Variants in PPFIA4 observed in about 807,000 individuals in gnomAD.
The protein encoded by PPFIA4 is PPFI scaffold protein A4, also known as liprin-alpha-4.
Under a neutral mutation model 145.7 loss-of-function variants are expected in PPFIA4, and 98 were observed. The observed-to-expected ratio is 0.67, with a 90% CI of 0.57 to 0.80. The LOEUF (loss-of-function observed/expected upper bound fraction) is 0.80, where lower values mean the gene tolerates loss of function less well. PPFIA4 is among the 30% of genes least tolerant of loss of function. The probability of loss-of-function intolerance (pLI) is 0.00; values close to 1 mark genes in which losing one functional copy is unlikely to be tolerated. For missense variants in PPFIA4, 1,457 were observed against 1,632.7 expected (o/e 0.89, Z 1.85); for synonymous variants, 628 against 649.6 (o/e 0.97, Z 0.51).
chr1:203,042,801 A>T (rs987425222), intron 2 of PPFIA4, among the ~76,000 whole-genome samples: 1 of 151,888 alleles, frequency 6.6e-6, no homozygotes, highest in Non-Finnish European at 1.5e-5. Flanking sequence ...ACCACGTCTG[A>T]CTAATTTTTG....
In PPFIA4 at chr1:203,068,660, C is replaced by G; in HGVS notation, c.3324+32C>G. On this transcript the variant is annotated intron_variant, in intron 27 of 29. Transcript: ENST00000295706. The surrounding 1 kb of genome is among the most constrained non-coding windows in gnomAD (Gnocchi z 4.7). ...AGCCTTTTAATCAGTCAACTTGAGT[C>G]TCTCCCTGTATCCCTCACTTGCTCT... The G allele has an allele frequency of 1.4e-6, 2 of 1,454,910 alleles. No homozygotes were observed. Among genetic ancestry groups the G allele is most frequent in the Middle Eastern group, 1.8e-4 (1 of 5,628 alleles). 90.1% of individuals were successfully genotyped at this position (1,454,910 alleles called of 1,614,324 possible).
chr1:203,051,000 C>T (rs930723302), intron 13 of PPFIA4, among the ~76,000 whole-genome samples: 1 of 152,044 alleles, frequency 6.6e-6, no homozygotes, highest in African/African-American at 2.4e-5. Context: ...CTTCCCTCTC[C>T]CTCCAGTGAC....
At chr1:203,072,364 T>C (rs4950915) in intron 28 of PPFIA4, among the ~76,000 whole-genome samples, 94,122 of 152,140 alleles carry the variant, frequency 0.62, 29,244 homozygotes, top group African/African-American at 0.65. Flanking sequence ...TTCCTCTCTC[T>C]GCCCTCCTGG....
At chr1:203,044,908 T>C in intron 6 of PPFIA4, 123 bp downstream of exon 6, 7 of 815,384 alleles carry the variant, frequency 8.6e-6, no homozygotes, top group Non-Finnish European at 1.4e-5. Context: ...TTCTCTGATA[T>C]TCCCCCTTCT....
At chr1:203,035,634 A>G (rs1313933669) in intron 1 of PPFIA4, 1 of 456,764 alleles carries the variant, frequency 2.2e-6, no homozygotes. Flanking sequence ...CCTCTGAATC[A>G]GGACCTGTGA....
intron 27 of PPFIA4, among the ~76,000 whole-genome samples, chr1:203,071,365 G>T (rs1662147255): frequency 6.6e-6 from 1 of 151,028 alleles, no homozygotes; most frequent in Admixed American, 6.6e-5. Context: ...TAGAGACGGG[G>T]TTTCACTGTG....
At chr1:203,071,437 C>T (rs1558103463) in intron 27 of PPFIA4, among the ~76,000 whole-genome samples, 1 of 151,726 alleles carries the variant, frequency 6.6e-6, no homozygotes, top group African/African-American at 2.4e-5. Context: ...TCCCAAAGTG[C>T]CCGGCCACTA....
At chr1:203,059,890 G>A (rs745382475) in intron 21 of PPFIA4, 39 bp downstream of exon 21, 22 of 1,516,696 alleles carry the variant, frequency 1.5e-5, no homozygotes, top group Non-Finnish European at 1.9e-5. Flanking sequence ...GGGGTCTGGA[G>A]GGAAGGATGC....
At chr1:203,032,596 G>A (rs2102607627) in intron 1 of PPFIA4, among the ~76,000 whole-genome samples, 1 of 144,868 alleles carries the variant, frequency 6.9e-6, no homozygotes, top group Middle Eastern at 3.5e-3. Flanking sequence ...ATGCCGCTGT[G>A]CCCAGCTAAC....
At chr1:203,073,247 C>T (rs1036976148) in intron 28 of PPFIA4, among the ~76,000 whole-genome samples, 19 of 152,212 alleles carry the variant, frequency 1.2e-4, no homozygotes, top group African/African-American at 2.2e-4. Context: ...AACTTACCTG[C>T]TGTGGCAGAG....
chr1:203,056,970 C>A lies in PPFIA4; in HGVS notation c.2407+20C>A, dbSNP rs375903819. ...GCCATGGTCTCTGTCCCCTTCCTAA[C>A]GGAGGTCTGGGCGGGCATTGGGGCA... On this transcript the variant is annotated intron_variant, in intron 19 of 29. Transcript: ENST00000295706. 1 of 1,612,628 alleles carries A rather than the reference C, an allele frequency of 6.2e-7. No homozygotes were observed. The highest frequency in any genetic ancestry group is 1.1e-5 in the South Asian group (1 of 91,052).
At position 203,063,757 on chromosome 1, in the gene PPFIA4, G is replaced by T. The variant is rs528630247; in HGVS notation, c.2875-71G>T. The T allele has an allele frequency of 2.0e-6, 3 of 1,533,894 alleles. No individual in the cohort carries two copies. The East Asian group carries it at 6.8e-5, about 35-fold the overall frequency. On this transcript the variant is annotated intron_variant, in intron 24 of 29. Transcript: ENST00000295706. ...GATGGATTCATGTGTCTCCCGACCA[G>T]CTATACCAGCCTCAGCCTGCTGGCT...
chr1:203,062,004 CCCTGGTG>C (rs1661396492), intron 24 of PPFIA4, among the ~76,000 whole-genome samples: 1 of 152,132 alleles, frequency 6.6e-6, no homozygotes, highest in African/African-American at 2.4e-5. Context: ...CTCAGGGGCA[CCCTGGTG>C]AACTGAGCGA....
chr1:203,037,415 T>C (rs762297720), intron 1 of PPFIA4, among the ~76,000 whole-genome samples: 1 of 152,146 alleles, frequency 6.6e-6, no homozygotes, highest in East Asian at 1.9e-4. Context: ...AGGGAAAATA[T>C]CATTTTTGGG....
Position 203,045,513 on chromosome 1 carries a change from T to C in PPFIA4, c.812T>C (p.Ile271Thr). The C allele has an allele frequency of 1.2e-6, 2 of 1,606,692 alleles. No homozygotes were observed. The highest frequency in any genetic ancestry group is 1.7e-6 in the Non-Finnish European group (2 of 1,177,370). Reference sequence around the variant, plus strand: ...CTGGGCACGGCCCGCCGGGACCTCATCAAGTCGGAGGAGCTGAGCAGCAAG... The same window carrying C: ...CTGGGCACGGCCCGCCGGGACCTCACCAAGTCGGAGGAGCTGAGCAGCAAG... ...EDLGTARRDLIKSEELSSKHQ... is the reference protein window; with the variant it reads ...EDLGTARRDLTKSEELSSKHQ... Residue 271 changes from isoleucine to threonine, a missense_variant, in exon 7 of 30, where the codon ATC becomes ACC. Around this residue, in one of 3 missense-constraint regions of PPFIA4, gnomAD observed 463 missense variants for 459.8 expected, o/e 1.01. Coordinates refer to ENST00000295706, the MANE Select transcript of PPFIA4 (RefSeq NM_001304331.2).
chr1:203,066,576 G>A (rs1661744804), intron 25 of PPFIA4, among the ~76,000 whole-genome samples: 1 of 152,156 alleles, frequency 6.6e-6, no homozygotes, highest in South Asian at 2.1e-4. Context: ...GCTGCCCCTG[G>A]AGGCATTCAG....
intron 1 of PPFIA4, among the ~76,000 whole-genome samples, chr1:203,027,643 C>A (rs1048620340): frequency 6.6e-6 from 1 of 152,190 alleles, no homozygotes; most frequent in African/African-American, 2.4e-5. Context: ...TTCCAGAGTT[C>A]TTGGATCTGG....
At chr1:203,027,202 C>G (rs995883771) in intron 1 of PPFIA4, among the ~76,000 whole-genome samples, 2 of 151,902 alleles carry the variant, frequency 1.3e-5, no homozygotes, top group African/African-American at 4.8e-5. Flanking sequence ...AGCGGCCAAC[C>G]CGAGGCCTGG....
In PPFIA4 at chr1:203,051,775, C is replaced by T. The variant is rs755870586; in HGVS notation, c.1518C>T (p.His506=). Residue 506 remains histidine (H), a synonymous_variant, in exon 14 of 30, where the codon CAC becomes CAT. Transcript: ENST00000295706. ...TCCCCCATCACCGCTCAAGGTCGCA[C>T]ATGGGCAGTGCAGCAGACGTGCGGT... The part of the protein sequence containing the change: ...PFVDGVHSRS[H]MGSAADVRFS... 2.5e-6 allele frequency: 4 copies of T among 1,612,512 alleles called. No individual in the cohort carries two copies. The highest frequency in any genetic ancestry group is 2.7e-5 in the African/African-American group (2 of 75,054).
Sources: allele counts gnomAD v4.1 joint callset (sites outside exome capture counted in the v4.1 genomes callset), GRCh38; gene constraint gnomAD v4.1.1; regional missense constraint gnomAD v4.1.1; non-coding constraint Gnocchi (gnomAD v3.1); transcripts MANE v1.5; gene names NCBI Gene and HGNC (gene_info 2026-07-23, HGNC 2026-07-21).